Variants in GPHN observed in about 807,000 individuals in gnomAD.
GPHN encodes the protein gephyrin.
In GPHN, 17 loss-of-function variants were observed where a neutral mutation model predicts 95.5. The observed-to-expected ratio is 0.18, with a 90% CI of 0.12 to 0.27. The LOEUF (loss-of-function observed/expected upper bound fraction) is 0.27. Among genes scored for constraint, GPHN ranks in the 10% least tolerant of loss-of-function variants. The pLI is 1.00. For missense variants in GPHN, 660 were observed against 978.1 expected, an observed-to-expected ratio of 0.67 and a Z score of 4.34; for synonymous variants, 320 against 322.5, an observed-to-expected ratio of 0.99 and a Z score of 0.08.
At chr14:67,169,993 G>A (rs575832640) in intron 21 of GPHN, among the ~76,000 whole-genome samples, 2 of 152,122 alleles carry the variant, frequency 1.3e-5, no homozygotes, top group Non-Finnish European at 2.9e-5. Flanking sequence ...CAGGAGAATC[G>A]CTTGAACCCG....
At chr14:67,562,037 T>G in the GPHN span, 1 of 1,613,210 alleles carries the variant, frequency 6.2e-7, no homozygotes, top group East Asian at 2.2e-5. Flanking sequence ...CGCTAGAAGG[T>G]AGGCAGGCCA....
chr14:67,202,953 A>C, the GPHN span: 2 of 895,978 alleles, frequency 2.2e-6, no homozygotes, highest in Non-Finnish European at 3.3e-6. Context: ...TCCAAGAATT[A>C]GCATGAGCAA....
the GPHN span, among the ~76,000 whole-genome samples, chr14:67,380,501 T>G: frequency 0.15 from 22,747 of 152,184 alleles, 3,200 homozygotes; most frequent in East Asian, 0.42. Flanking sequence ...AGTGCAAAGC[T>G]AAGATTTGAA....
At chr14:67,204,682 G>A in the GPHN span, 1 of 1,613,908 alleles carries the variant, frequency 6.2e-7, no homozygotes, top group Non-Finnish European at 8.5e-7. Flanking sequence ...TCAATGGGTG[G>A]CCCTCATCTC....
the GPHN span, chr14:67,715,271 C>A: frequency 7.9e-5 from 12 of 151,796 alleles, no homozygotes; most frequent in African/African-American, 2.9e-4. Context: ...CCTACAATAT[C>A]CAGATCTACT....
chr14:67,095,618 T>A (rs548813576), intron 12 of GPHN, among the ~76,000 whole-genome samples: 19 of 151,838 alleles, frequency 1.3e-4, no homozygotes, highest in Non-Finnish European at 2.7e-4. Context: ...GATGAGTTCA[T>A]GTCCTTTGTA....
At chr14:66,711,040 ATTTTG>A (rs1056031367) in intron 2 of GPHN, among the ~76,000 whole-genome samples, 6 of 152,008 alleles carry the variant, frequency 3.9e-5, no homozygotes, top group African/African-American at 9.6e-5. Context: ...TTTTTTATGT[ATTTTG>A]TTTTGTTTGT....
chr14:67,662,347 T>C, the GPHN span: 1 of 841,520 alleles, frequency 1.2e-6, no homozygotes, highest in Non-Finnish European at 1.9e-6. Context: ...TCAACTGGCT[T>C]CATTTAGTAA....
At chr14:67,587,400 A>AT in the GPHN span, 1 of 751,044 alleles carries the variant, frequency 1.3e-6, no homozygotes, top group East Asian at 2.7e-5. Flanking sequence ...TAGGTGCCTT[A>AT]TAATGTTTCA....
chr14:67,515,640 G>A, the GPHN span, among the ~76,000 whole-genome samples: 1 of 152,030 alleles, frequency 6.6e-6, no homozygotes, highest in Non-Finnish European at 1.5e-5. Flanking sequence ...CGCGGCGCAG[G>A]TGGCTGCGGT....
intron 3 of GPHN, among the ~76,000 whole-genome samples, chr14:66,814,155 C>T (rs1296795620): frequency 6.6e-6 from 1 of 152,164 alleles, no homozygotes; most frequent in Non-Finnish European, 1.5e-5. Context: ...GCTGGCAAGT[C>T]TCACTCCTGC....
intron 21 of GPHN, among the ~76,000 whole-genome samples, chr14:67,172,915 C>T (rs992501890): frequency 9.9e-5 from 15 of 152,158 alleles, no homozygotes; most frequent in Non-Finnish European, 2.9e-5. Context: ...CCTAGGTTGC[C>T]ACTAAGCCCT....
intron 2 of GPHN, among the ~76,000 whole-genome samples, chr14:66,687,860 T>A (rs1190572460): frequency 6.6e-6 from 1 of 152,206 alleles, no homozygotes; most frequent in African/African-American, 2.4e-5. Context: ...ATTTCTTTCA[T>A]CAGTTTTTTA....
the GPHN span, among the ~76,000 whole-genome samples, chr14:67,290,928 T>C: frequency 6.6e-6 from 1 of 152,200 alleles, no homozygotes; most frequent in Middle Eastern, 3.2e-3. Flanking sequence ...AAATAAATTC[T>C]AGATGAATTA....
chr14:67,410,338 G>A, the GPHN span, among the ~76,000 whole-genome samples: 1 of 152,000 alleles, frequency 6.6e-6, no homozygotes, highest in Admixed American at 6.6e-5. Flanking sequence ...GCTCTACCAG[G>A]GCCCAGCTAT....
chr14:67,190,851 A>G, the GPHN span, among the ~76,000 whole-genome samples: 1 of 152,226 alleles, frequency 6.6e-6, no homozygotes, highest in African/African-American at 2.4e-5. Context: ...TAAATGCCAC[A>G]CTTCAAAGTG....
chr14:67,735,322 C>A, the GPHN span: 1 of 799,880 alleles, frequency 1.3e-6, no homozygotes, highest in Non-Finnish European at 2.3e-6. Context: ...TCTCGCCCGA[C>A]ACCAAAAGGA....
At chr14:66,692,106 C>CAA (rs1355274669) in intron 2 of GPHN, among the ~76,000 whole-genome samples, 1 of 152,080 alleles carries the variant, frequency 6.6e-6, no homozygotes, top group Non-Finnish European at 1.5e-5. Flanking sequence ...TTTGCAGATG[C>CAA]AAATAGGTTA....
the GPHN span, among the ~76,000 whole-genome samples, chr14:67,251,577 C>A: frequency 6.9e-6 from 1 of 145,610 alleles, no homozygotes; most frequent in Non-Finnish European, 1.5e-5. Flanking sequence ...GAACTTTGAG[C>A]CTGTAAATTG....
Sources: allele counts gnomAD v4.1 joint callset (sites outside exome capture counted in the v4.1 genomes callset), GRCh38; gene constraint gnomAD v4.1.1; transcripts MANE v1.5; gene names NCBI Gene and HGNC (gene_info 2026-07-23, HGNC 2026-07-21).